Variants in SPMAP2 observed in about 807,000 individuals in gnomAD.
SPMAP2 encodes the protein sperm microtubule associated protein 2, also known as Theg homolog.
chr19:375,295 C>T, the SPMAP2 span, among the ~76,000 whole-genome samples: 1 of 151,402 alleles, frequency 6.6e-6, no homozygotes, highest in African/African-American at 2.4e-5. Context: ...AGTTGGGAGG[C>T]TTTTTTTTTC....
chr19:370,070 C>T, the SPMAP2 span, among the ~76,000 whole-genome samples: 3 of 152,272 alleles, frequency 2.0e-5, no homozygotes, highest in South Asian at 6.2e-4. Flanking sequence ...TGGGCTCCCA[C>T]TCCCGGCCCA....
chr19:374,453 T>C, the SPMAP2 span: 390,586 of 1,613,218 alleles, frequency 0.24, 53,178 homozygotes, highest in East Asian at 0.51. Context: ...AAGTTGGAGC[T>C]GCTTTCCCGC....
At chr19:362,410 C>T in the SPMAP2 span, 10 of 1,603,864 alleles carry the variant, frequency 6.2e-6, no homozygotes, top group East Asian at 9.0e-5. Flanking sequence ...CGCACTTGTC[C>T]GACTGAGCTT....
the SPMAP2 span, chr19:374,561 T>A: frequency 4.1e-6 from 5 of 1,222,648 alleles, no homozygotes; most frequent in Non-Finnish European, 5.6e-6. Context: ...CCTCGAGGGG[T>A]CTCTGAGGGA....
the SPMAP2 span, chr19:367,340 G>A: frequency 1.9e-6 from 2 of 1,065,792 alleles, no homozygotes; most frequent in East Asian, 5.6e-5. Context: ...CTGGGAAGAA[G>A]TTGGTTTGTA....
At chr19:373,828 C>T in the SPMAP2 span, 61 of 1,056,210 alleles carry the variant, frequency 5.8e-5, no homozygotes, top group Non-Finnish European at 7.7e-5. Flanking sequence ...CTGAGGAGCC[C>T]TCCCTGATCC....
chr19:365,966 A>C, the SPMAP2 span, among the ~76,000 whole-genome samples: 8 of 152,010 alleles, frequency 5.3e-5, no homozygotes, highest in South Asian at 8.3e-4. Flanking sequence ...CATGGTGAAA[A>C]CCTGTCTCTA....
At chr19:364,686 C>G in the SPMAP2 span, among the ~76,000 whole-genome samples, 1 of 152,108 alleles carries the variant, frequency 6.6e-6, no homozygotes, top group Non-Finnish European at 1.5e-5. Flanking sequence ...ATCTCCTCCC[C>G]CTGGCTGGGG....
the SPMAP2 span, among the ~76,000 whole-genome samples, chr19:364,504 G>A: frequency 6.6e-6 from 1 of 151,122 alleles, no homozygotes; most frequent in Non-Finnish European, 1.5e-5. Flanking sequence ...AACACAGCGA[G>A]ACCCCATCTC....
the SPMAP2 span, chr19:373,423 G>T: frequency 6.3e-7 from 1 of 1,596,414 alleles, no homozygotes; most frequent in Non-Finnish European, 8.6e-7. Flanking sequence ...TTCCCTGGAG[G>T]CCGGCAGCCG....
the SPMAP2 span, among the ~76,000 whole-genome samples, chr19:368,140 G>A: frequency 1.3e-5 from 2 of 152,152 alleles, no homozygotes; most frequent in East Asian, 1.9e-4. The surrounding 1 kb of genome is among the most constrained non-coding windows in gnomAD (Gnocchi z 4.1). Context: ...ATGTGAGCTC[G>A]AGACCAGCCT....
At chr19:374,357 G>A in the SPMAP2 span, 192 of 1,614,094 alleles carry the variant, frequency 1.2e-4, 1 homozygote, top group East Asian at 2.7e-3. Flanking sequence ...AGCCTCCTCC[G>A]CCTCCTCCTC....
the SPMAP2 span, chr19:374,528 C>T: frequency 3.5e-6 from 5 of 1,441,392 alleles, no homozygotes; most frequent in African/African-American, 1.4e-5. Flanking sequence ...CTGCACTCAC[C>T]CTGCCCACCC....
At chr19:363,637 G>C in the SPMAP2 span, among the ~76,000 whole-genome samples, 2 of 151,574 alleles carry the variant, frequency 1.3e-5, no homozygotes, top group African/African-American at 4.9e-5. Context: ...AGGATCAAGT[G>C]ATTCTCCTGC....
chr19:374,557 G>T, the SPMAP2 span: 1 of 1,275,378 alleles, frequency 7.8e-7, no homozygotes, highest in South Asian at 1.4e-5. Context: ...TTTCCCTCGA[G>T]GGGTCTCTGA....
the SPMAP2 span, chr19:375,941 C>A: frequency 6.9e-7 from 1 of 1,446,570 alleles, no homozygotes; most frequent in Non-Finnish European, 9.1e-7. Flanking sequence ...TGGGCTGGTT[C>A]CCGAGTGACC....
the SPMAP2 span, chr19:362,373 C>T: frequency 1.2e-6 from 2 of 1,608,328 alleles, no homozygotes; most frequent in Non-Finnish European, 8.5e-7. Flanking sequence ...ACATCCAGCA[C>T]CTCCCAGCGA....
At chr19:362,277 G>C in the SPMAP2 span, 1 of 1,599,000 alleles carries the variant, frequency 6.3e-7, no homozygotes, top group Non-Finnish European at 8.5e-7. Context: ...GCGAGGGGAC[G>C]CCTGTCGTAT....
the SPMAP2 span, chr19:371,390 G>C: frequency 7.9e-6 from 5 of 634,670 alleles, no homozygotes; most frequent in African/African-American, 1.9e-5. Flanking sequence ...GTGTGTGTGT[G>C]TGTGTGTGTG....
Sources: gnomAD v4.1 joint callset for allele counts (sites outside exome capture counted in the v4.1 genomes callset) on GRCh38, gnomAD v4.1.1 for gene constraint, Gnocchi (gnomAD v3.1) non-coding constraint, MANE v1.5 for transcripts, NCBI Gene and HGNC (gene_info 2026-07-23, HGNC 2026-07-21) for gene names.